The following PRPF6 variants were observed in gnomAD, a reference collection of about 807,000 sequenced individuals.
The protein encoded by PRPF6 is pre-mRNA-processing factor 6.
A neutral mutation model predicts 118.3 loss-of-function variants in PRPF6; 42 were observed. That is an observed-to-expected ratio of 0.35 (90% confidence interval 0.28 to 0.46). The LOEUF is 0.46. PRPF6 is among the 20% of genes least tolerant of loss of function. PRPF6 has a pLI of 1.00. For synonymous variants in PRPF6, 481 were observed against 485.1 expected (o/e 0.99, Z 0.11); for missense variants, 662 against 1,255.7 (o/e 0.53, Z 7.15).
At chr20:64,000,649 A>G (rs1031798666) in intron 8 of PRPF6, among the ~76,000 whole-genome samples, 2 of 149,738 alleles carry the variant, frequency 1.3e-5, no homozygotes, top group Middle Eastern at 6.4e-3. Context: ...GCTCACTGCA[A>G]CCTCTGCCTC....
At chr20:63,998,655 C>T (rs1282536289) in intron 6 of PRPF6, among the ~76,000 whole-genome samples, 2 of 151,302 alleles carry the variant, frequency 1.3e-5, no homozygotes, top group African/African-American at 4.8e-5. Context: ...TCCTGGCTAA[C>T]ACGGTGAAAC....
At chr20:64,005,608 C>T (rs146182913) in intron 9 of PRPF6, among the ~76,000 whole-genome samples, 10 of 152,234 alleles carry the variant, frequency 6.6e-5, no homozygotes, top group South Asian at 2.1e-4. Flanking sequence ...GACAGAGCCT[C>T]GTCCTATTGC....
intron 9 of PRPF6, among the ~76,000 whole-genome samples, chr20:64,008,661 GAGA>G (rs1254516183): frequency 6.6e-6 from 1 of 152,012 alleles, no homozygotes; most frequent in Non-Finnish European, 1.5e-5. Context: ...TTATTCTTAA[GAGA>G]AGAATTTTCC....
intron 9 of PRPF6, among the ~76,000 whole-genome samples, chr20:64,004,236 T>C (rs2059180253): frequency 6.6e-6 from 1 of 152,208 alleles, no homozygotes; most frequent in Non-Finnish European, 1.5e-5. Context: ...ACGGCTGTTC[T>C]CTCAGGGAGT....
chr20:63,981,648 C>CT (rs1302775711), intron 1 of PRPF6, among the ~76,000 whole-genome samples: 3 of 143,402 alleles, frequency 2.1e-5, no homozygotes, highest in Non-Finnish European at 3.1e-5. Context: ...GACACTCCCC[C>CT]CCCCCGCCCG....
At position 63,981,138 on chromosome 20, in the gene PRPF6, G is replaced by A. The variant is rs2059063841; in HGVS notation, c.-108G>A. 3 of 1,218,156 alleles carry A rather than the reference G, an allele frequency of 2.5e-6. No homozygotes were observed. The East Asian group carries it at 7.6e-5, about 31-fold the overall frequency. The allele number at this position is 1,218,156 out of a possible 1,614,324, so 75.5% of individuals were successfully genotyped here. The stretch of plus-strand genomic sequence containing the variant: ...GGGGCGCGGGTGACGCGACGACGGC[G>A]ACACTTTGCTACGGAGTGCATCGGA... On this transcript the variant is annotated 5_prime_UTR_variant, in exon 1 of 21. Coordinates refer to ENST00000266079, the MANE Select transcript of PRPF6 (RefSeq NM_012469.4).
chr20:63,981,618 C>T (rs1480023865), intron 1 of PRPF6, among the ~76,000 whole-genome samples: 1 of 151,946 alleles, frequency 6.6e-6, no homozygotes, highest in Non-Finnish European at 1.5e-5. Context: ...AACACGCGAC[C>T]ACCTTCCTCA....
chr20:63,986,740 G>A (rs113017561), intron 3 of PRPF6, among the ~76,000 whole-genome samples: 22,679 of 151,438 alleles, frequency 0.15, 2,224 homozygotes, highest in East Asian at 0.39. Context: ...CACCTGCCTC[G>A]GCCTCCCAAA....
chr20:63,995,063 A>G lies in PRPF6; in HGVS notation c.586A>G (p.Asn196Asp). 6.2e-7 allele frequency: 1 copy of G among 1,614,142 alleles called. No individual in the cohort carries two copies. Among genetic ancestry groups the G allele is most frequent in the Non-Finnish European group, 8.5e-7 (1 of 1,180,024 alleles). ...FFAKHLQTGE[N>D]HTSVDPRQTQ... ...TGCCAAACATTTACAGACCGGAGAG[A>G]ACCATACCTCAGTGGATCCCCGACA... is the stretch of plus-strand genomic sequence containing the variant. Residue 196 changes from asparagine to aspartate, a missense_variant, in exon 5 of 21, where the codon AAC becomes GAC. Coordinates refer to ENST00000266079, the MANE Select transcript of PRPF6 (RefSeq NM_012469.4).
chr20:64,009,279 CAAAAAA>C (rs59045216), intron 9 of PRPF6, among the ~76,000 whole-genome samples: 1 of 38,226 alleles, frequency 2.6e-5, no homozygotes, highest in African/African-American at 9.6e-5. Flanking sequence ...GACTCCATCG[CAAAAAA>C]AAAAAAAAAA....
chr20:63,987,513 C>T (rs1220887315), intron 3 of PRPF6, among the ~76,000 whole-genome samples: 8 of 151,978 alleles, frequency 5.3e-5, no homozygotes, highest in African/African-American at 1.7e-4. Context: ...GCCCACAGCT[C>T]GTATCATACT....
At chr20:63,990,440 A>G (rs1391661873) in intron 3 of PRPF6, among the ~76,000 whole-genome samples, 2 of 151,372 alleles carry the variant, frequency 1.3e-5, no homozygotes, top group Non-Finnish European at 2.9e-5. Flanking sequence ...TTTTATACCT[A>G]TAGTAATTAA....
intron 3 of PRPF6, among the ~76,000 whole-genome samples, chr20:63,987,261 C>G (rs1258433380): frequency 6.6e-6 from 1 of 151,788 alleles, no homozygotes; most frequent in Non-Finnish European, 1.5e-5. Context: ...AATCACAGCC[C>G]TTTGGGAGGC....
At chr20:64,010,109 G>A (rs1049533832) in intron 9 of PRPF6, 91 bp from the exon 10 acceptor site, 38 of 1,117,172 alleles carry the variant, frequency 3.4e-5, no homozygotes, top group Middle Eastern at 2.0e-4. Context: ...AGGGAAGTCC[G>A]TCTCATCCTG....
At chr20:64,009,451 C>T (rs1163060417) in intron 9 of PRPF6, among the ~76,000 whole-genome samples, 3 of 151,820 alleles carry the variant, frequency 2.0e-5, no homozygotes, top group Admixed American at 1.3e-4. Context: ...GGGTGGGCAC[C>T]GTGGCTGACG....
In PRPF6 at chr20:64,001,252, CGGAGGTGCTGCTTTCTCCCTCCTTG is replaced by C. The variant is rs759706656; in HGVS notation, c.1186+16_1186+40del. On this transcript the variant is annotated intron_variant, in intron 9 of 20. Transcript: ENST00000266079. ...GTTCTTCGGAAAGGTGAGCCTCCCTCGGAGGTGCTGCTTTCTCCCTCCTTGGGGCCCCTCCTCTCAGCAGCTTTCC... is the reference window on the plus strand; with the variant it reads ...GTTCTTCGGAAAGGTGAGCCTCCCTCGGGCCCCTCCTCTCAGCAGCTTTCC... The C allele has an allele frequency of 1.1e-5, 18 of 1,614,172 alleles. No homozygotes were observed. The highest frequency in any genetic ancestry group is 1.5e-5 in the Non-Finnish European group (18 of 1,179,990).
At position 64,029,302 on chromosome 20, in the gene PRPF6, G is replaced by A; in HGVS notation, c.2432-75G>A. On this transcript the variant is annotated intron_variant, in intron 18 of 20. Transcript: ENST00000266079. The surrounding 1 kb of genome is among the most constrained non-coding windows in gnomAD (Gnocchi z 4.8). ...CGTGGTCTGAGGACGTCCCGGGTTA[G>A]AATCTGTAGGCTGGGCACCTTTCCG... The A allele has an allele frequency of 1.5e-6, 2 of 1,364,016 alleles. No individual in the cohort carries two copies. Among genetic ancestry groups the A allele is most frequent in the Non-Finnish European group, 2.1e-6 (2 of 955,824 alleles). 84.5% of individuals were successfully genotyped at this position (1,364,016 alleles called of 1,614,324 possible).
intron 3 of PRPF6, among the ~76,000 whole-genome samples, chr20:63,992,090 T>C (rs968306702): frequency 6.6e-6 from 1 of 151,926 alleles, no homozygotes; most frequent in Non-Finnish European, 1.5e-5. Flanking sequence ...TGTAGGTGTT[T>C]TTTTGTTTTG....
At chr20:63,983,240 C>T (rs375979446) in intron 2 of PRPF6, 25 bp downstream of exon 2, 47 of 1,613,680 alleles carry the variant, frequency 2.9e-5, no homozygotes, top group Admixed American at 1.0e-4. Flanking sequence ...GCTTTCGTGG[C>T]TCCTCCAGCC....
Sources: allele counts gnomAD v4.1 joint callset (sites outside exome capture counted in the v4.1 genomes callset), GRCh38; gene constraint gnomAD v4.1.1; non-coding constraint Gnocchi (gnomAD v3.1); transcripts MANE v1.5; gene names NCBI Gene and HGNC (gene_info 2026-07-23, HGNC 2026-07-21).